Variants in TET2 observed in about 807,000 individuals in gnomAD.
The protein encoded by TET2 is tet methylcytosine dioxygenase 2.
In TET2, 299 loss-of-function variants were observed where a neutral mutation model predicts 142.9. The observed-to-expected ratio is 2.09, with a 90% confidence interval of 1.90 to 2.30. TET2 has a LOEUF of 2.30. Among genes scored for constraint, TET2 ranks in the 30% most tolerant of loss-of-function variants. The pLI is 0.00. For synonymous variants in TET2, 819 were observed against 849.0 expected (o/e 0.96, Z 0.61); for missense variants, 2,418 against 2,378.0 (o/e 1.02, Z -0.35).
intron 1 of TET2, among the ~76,000 whole-genome samples, chr4:105,185,562 C>T (rs1260098280): frequency 1.3e-5 from 2 of 152,068 alleles, no homozygotes; most frequent in Non-Finnish European, 1.5e-5. Flanking sequence ...ATGCGGATCA[C>T]GAGGTCAGGA....
chr4:105,192,076 G>A (rs1317001797), intron 2 of TET2, among the ~76,000 whole-genome samples: 6 of 151,970 alleles, frequency 3.9e-5, no homozygotes, highest in East Asian at 1.9e-4. Context: ...AACTGAGAGC[G>A]CATTTTTAAG....
intron 1 of TET2, among the ~76,000 whole-genome samples, chr4:105,157,846 T>G (rs112952487): frequency 0.014 from 2,102 of 152,074 alleles, 30 homozygotes; most frequent in Middle Eastern, 0.058. Flanking sequence ...CTGGCTAATT[T>G]TTGCATTTTT....
intron 1 of TET2, among the ~76,000 whole-genome samples, chr4:105,152,206 G>A (rs949415256): frequency 4.6e-5 from 7 of 152,228 alleles, no homozygotes; most frequent in African/African-American, 7.2e-5. Flanking sequence ...GAACCCTCCC[G>A]GGAGGCAGAG....
chr4:105,234,598 AAC>A lies in TET2; in HGVS notation c.664_665del (p.His222TrpfsTer2), dbSNP rs1159746761. 1.9e-6 allele frequency: 3 copies of A among 1,614,144 alleles called. No homozygotes were observed. The highest frequency in any genetic ancestry group is 1.7e-5 in the Admixed American group (1 of 60,026). ...GCTACAGTTTCTGCCTCTTCCGTGG[AAC>A]ACACACATGGTGAACTCCTGGAAAA... is the stretch of plus-strand genomic sequence containing the variant. On this transcript the variant is annotated frameshift_variant, in exon 3 of 11. Coordinates refer to ENST00000380013, the MANE Select transcript of TET2 (RefSeq NM_001127208.3). LOFTEE classifies it high-confidence loss of function.
chr4:105,181,092 CTT>C (rs1286857489), intron 1 of TET2, among the ~76,000 whole-genome samples: 1 of 152,158 alleles, frequency 6.6e-6, no homozygotes, highest in East Asian at 1.9e-4. Flanking sequence ...AATCATCACT[CTT>C]ATGCTCATTT....
At chr4:105,258,083 T>C (rs141687187) in intron 6 of TET2, among the ~76,000 whole-genome samples, 93 of 152,284 alleles carry the variant, frequency 6.1e-4, no homozygotes, top group African/African-American at 2.2e-3. Flanking sequence ...AAGGCTACCA[T>C]AGAGCTGTGG....
chr4:105,180,662 G>T (rs1350895327), intron 1 of TET2, among the ~76,000 whole-genome samples: 2 of 149,082 alleles, frequency 1.3e-5, no homozygotes, highest in African/African-American at 5.0e-5. Flanking sequence ...TTTTCTTGGA[G>T]ACAGTCTCAC....
intron 6 of TET2, among the ~76,000 whole-genome samples, chr4:105,247,548 T>G (rs1348491217): frequency 2.0e-5 from 3 of 152,128 alleles, no homozygotes; most frequent in Non-Finnish European, 4.4e-5. Flanking sequence ...TTCCCCTTTC[T>G]TTATGAATTT....
chr4:105,219,717 GA>G (rs1055676474), intron 2 of TET2, among the ~76,000 whole-genome samples: 25 of 151,980 alleles, frequency 1.6e-4, no homozygotes, highest in African/African-American at 5.6e-4. Flanking sequence ...AAACAGTAAA[GA>G]ATTATGCATT....
Position 105,242,929 on chromosome 4 carries a change from T to A in TET2, c.3594+2T>A. 6.5e-7 allele frequency: 1 copy of A among 1,548,996 alleles called. No homozygotes were observed. Among genetic ancestry groups the A allele is most frequent in the Non-Finnish European group, 8.7e-7 (1 of 1,144,760 alleles). ...CAGGGATGTCCTATTGCTAAGTGGGTAAGTGTGACTTGATAAAGCCTTTGG... is the reference window on the plus strand; with the variant it reads ...CAGGGATGTCCTATTGCTAAGTGGGAAAGTGTGACTTGATAAAGCCTTTGG... On this transcript the variant is annotated splice_donor_variant, in intron 5 of 10. Coordinates refer to ENST00000380013, the MANE Select transcript of TET2 (RefSeq NM_001127208.3). LOFTEE classifies it high-confidence loss of function.
chr4:105,201,732 C>CTTTT lies in TET2; in HGVS notation c.-47+11250_-47+11253dup, dbSNP rs70964636. 6.7e-3 allele frequency among the ~76,000 whole-genome samples: 420 copies of CTTTT among 63,064 alleles called. 85 individuals carry two copies. The highest frequency in any genetic ancestry group is 0.023 in the African/African-American group (340 of 14,700). The allele number at this position is 63,064 out of a possible 152,430, so 41.4% of individuals were successfully genotyped here. A position where few individuals can be genotyped will look rare whatever the true frequency, so the allele number is the denominator to read the frequency against. On this transcript the variant is annotated intron_variant, in intron 2 of 10. Coordinates refer to ENST00000380013, the MANE Select transcript of TET2 (RefSeq NM_001127208.3). ...TTAACAGAACATCTTCATCCAGGAC[C>CTTTT]TTTTTTTTTTTTTTTTTTTTTTTTT...
chr4:105,239,007 G>A (rs539030423), intron 3 of TET2: 22 of 242,236 alleles, frequency 9.1e-5, no homozygotes, highest in South Asian at 3.7e-4. Context: ...CATCTCCATC[G>A]GAGCTCTTGG....
chr4:105,222,250 A>G (rs1327491738), intron 2 of TET2, among the ~76,000 whole-genome samples: 3 of 152,246 alleles, frequency 2.0e-5, no homozygotes, highest in Non-Finnish European at 4.4e-5. Context: ...TGGCTCAGTC[A>G]AATGGTATTT....
chr4:105,227,190 T>C (rs1728242432), intron 2 of TET2, among the ~76,000 whole-genome samples: 1 of 152,148 alleles, frequency 6.6e-6, no homozygotes, highest in Non-Finnish European at 1.5e-5. Flanking sequence ...AAATTTTAAC[T>C]AAATGCAATG....
intron 2 of TET2, among the ~76,000 whole-genome samples, chr4:105,225,525 C>T (rs1439296327): frequency 1.3e-5 from 2 of 152,116 alleles, no homozygotes; most frequent in Non-Finnish European, 1.5e-5. Context: ...TTCTCTCATA[C>T]TACGGCAAGA....
rs535617897 is a variant in TET2 at position 105,236,285 on chromosome 4, G to A, written c.2343G>A (p.Val781=). The change falls in exon 3 of 11, where the codon GTG becomes GTA. Residue 781 remains valine (V), a synonymous_variant. Coordinates refer to ENST00000380013, the MANE Select transcript of TET2 (RefSeq NM_001127208.3). The part of the protein sequence containing the change: ...REGSFFGQTK[V]EECFHGENQY... ...GATCATTCTTTGGCCAGACTAAAGT[G>A]GAAGAATGTTTTCATGGTGAAAATC... 1.1e-5 allele frequency: 18 copies of A among 1,614,090 alleles called. No individual in the cohort carries two copies. The African/African-American group carries it at 2.3e-4, about 20-fold the overall frequency.
chr4:105,223,118 T>G (rs192961336), intron 2 of TET2, among the ~76,000 whole-genome samples: 1 of 152,214 alleles, frequency 6.6e-6, no homozygotes, highest in African/African-American at 2.4e-5. Flanking sequence ...TCAGCAGTCC[T>G]TTTTCAAGAG....
intron 4 of TET2, chr4:105,241,926 A>G (rs1017322753): frequency 4.9e-6 from 6 of 1,218,804 alleles, no homozygotes; most frequent in Non-Finnish European, 6.1e-6. Context: ...GAAACATACT[A>G]TTTACAGCTG....
intron 6 of TET2, among the ~76,000 whole-genome samples, chr4:105,257,441 A>T (rs950416057): frequency 6.6e-6 from 1 of 152,138 alleles, no homozygotes; most frequent in Admixed American, 6.5e-5. Context: ...TGCTTGGTTA[A>T]CTTAGAGGTC....
Sources: allele counts gnomAD v4.1 joint callset (sites outside exome capture counted in the v4.1 genomes callset), GRCh38; gene constraint gnomAD v4.1.1; transcripts MANE v1.5; gene names NCBI Gene and HGNC (gene_info 2026-07-23, HGNC 2026-07-21).